MDGA2: variants seen among roughly 807,000 people sequenced by gnomAD.
MDGA2 encodes MAM domain containing glycosylphosphatidylinositol anchor 2.
A neutral mutation model predicts 117.8 loss-of-function variants in MDGA2; 40 were observed. The observed-to-expected ratio is 0.34, with a 90% CI of 0.26 to 0.44. MDGA2 has a LOEUF of 0.44. MDGA2 is among the 20% of genes least tolerant of loss of function. The pLI is 1.00. For synonymous variants in MDGA2, 452 were observed against 439.0 expected (o/e 1.03, Z -0.37); for missense variants, 1,123 against 1,250.6 (o/e 0.90, Z 1.54).
At chr14:47,490,886 G>T (rs578056069) in intron 1 of MDGA2, among the ~76,000 whole-genome samples, 2 of 152,076 alleles carry the variant, frequency 1.3e-5, no homozygotes, top group Non-Finnish European at 2.9e-5. Context: ...TAGGCCTGGC[G>T]TAGGTATCTC....
chr14:47,382,679 GCAGTCATTAAAAAGT>G (rs1405726279), intron 1 of MDGA2, among the ~76,000 whole-genome samples: 8 of 152,170 alleles, frequency 5.3e-5, no homozygotes, highest in Admixed American at 5.2e-4. Flanking sequence ...AGTTAGAATG[GCAGTCATTAAAAAGT>G]CAGGAAACAA....
chr14:46,888,416 T>G (rs1882749927), intron 10 of MDGA2, among the ~76,000 whole-genome samples: 1 of 151,970 alleles, frequency 6.6e-6, no homozygotes. Context: ...CATGTCAATT[T>G]TAAAAATCCA....
At chr14:47,419,670 T>C (rs1392800849) in intron 1 of MDGA2, among the ~76,000 whole-genome samples, 4 of 152,070 alleles carry the variant, frequency 2.6e-5, no homozygotes, top group African/African-American at 9.7e-5. Flanking sequence ...AATTAATTTG[T>C]GTTAAAATCA....
intron 1 of MDGA2, among the ~76,000 whole-genome samples, chr14:47,339,210 A>G (rs1251978356): frequency 6.6e-6 from 1 of 152,166 alleles, no homozygotes; most frequent in Non-Finnish European, 1.5e-5. Flanking sequence ...TGGCATTAGT[A>G]TTTAGAAAAT....
At chr14:47,147,928 G>C (rs1883010137) in intron 3 of MDGA2, among the ~76,000 whole-genome samples, 1 of 152,040 alleles carries the variant, frequency 6.6e-6, no homozygotes, top group African/African-American at 2.4e-5. Flanking sequence ...TCAGATTTGA[G>C]CCCTTGATCA....
chr14:47,470,306 T>C (rs1243442437), intron 1 of MDGA2, among the ~76,000 whole-genome samples: 3 of 140,822 alleles, frequency 2.1e-5, no homozygotes, highest in Admixed American at 7.3e-5. Flanking sequence ...TGATGTTCCC[T>C]TCCTTATGTC....
chr14:47,173,113 GAAAC>G (rs1398667414), intron 3 of MDGA2, among the ~76,000 whole-genome samples: 7 of 152,130 alleles, frequency 4.6e-5, no homozygotes, highest in Admixed American at 2.0e-4. Flanking sequence ...AGAATAAAAA[GAAAC>G]AAACAAAGCC....
At chr14:46,860,443 T>A (rs1848559186) in intron 14 of MDGA2, among the ~76,000 whole-genome samples, 1 of 152,050 alleles carries the variant, frequency 6.6e-6, no homozygotes, top group African/African-American at 2.4e-5. Flanking sequence ...CTTTTTTTTA[T>A]AAGGCTGAAT....
chr14:47,362,362 C>A (rs1327500827), intron 1 of MDGA2, among the ~76,000 whole-genome samples: 1 of 152,058 alleles, frequency 6.6e-6, no homozygotes, highest in Non-Finnish European at 1.5e-5. Flanking sequence ...TCTACAGTAA[C>A]ACATCAATTT....
intron 9 of MDGA2, among the ~76,000 whole-genome samples, chr14:46,933,224 GA>G (rs1399702167): frequency 6.6e-6 from 1 of 151,892 alleles, no homozygotes; most frequent in Non-Finnish European, 1.5e-5. Context: ...CATGTCATTT[GA>G]GTAGAGTTCT....
intron 3 of MDGA2, chr14:47,201,198 C>G (rs1594718456): frequency 1.7e-6 from 1 of 579,610 alleles, no homozygotes; most frequent in Non-Finnish European, 3.2e-6. Context: ...ACATTTTTCA[C>G]GTGGTTTATA....
chr14:47,616,931 C>T (rs1896957204), intron 1 of MDGA2, among the ~76,000 whole-genome samples: 2 of 152,128 alleles, frequency 1.3e-5, no homozygotes, highest in Non-Finnish European at 2.9e-5. Flanking sequence ...TTCTTACTAG[C>T]CTCATATCAA....
At position 46,854,889 on chromosome 14, in the gene MDGA2, A is replaced by G. The variant is rs925971139; in HGVS notation, c.2883+135T>C. On this transcript the variant is annotated intron_variant, in intron 15 of 16. Transcript: ENST00000399232. ...TAAAACAGCTTTTAGAACTAAAGCA[A>G]AACCTAATCATATAATTTTTGTGAT... 44 of 749,120 alleles carry G rather than the reference A, an allele frequency of 5.9e-5. No individual in the cohort carries two copies. The Admixed American group carries it at 9.4e-4, about 16-fold the overall frequency. 46.4% of individuals were successfully genotyped at this position (749,120 alleles called of 1,614,324 possible).
intron 12 of MDGA2, among the ~76,000 whole-genome samples, chr14:46,875,570 C>T (rs958298211): frequency 6.6e-6 from 1 of 151,546 alleles, no homozygotes; most frequent in African/African-American, 2.4e-5. Flanking sequence ...TGTCACAGAC[C>T]TTGTACCAAA....
At chr14:47,232,150 T>C (rs987968767) in intron 2 of MDGA2, among the ~76,000 whole-genome samples, 11 of 152,186 alleles carry the variant, frequency 7.2e-5, no homozygotes, top group Non-Finnish European at 5.9e-5. Flanking sequence ...GTTTGGGTTA[T>C]ATCATGAAGA....
At chr14:47,491,682 T>C (rs1044789159) in intron 1 of MDGA2, among the ~76,000 whole-genome samples, 3 of 152,156 alleles carry the variant, frequency 2.0e-5, no homozygotes, top group Non-Finnish European at 4.4e-5. Flanking sequence ...AAGAAATAAT[T>C]ATCTTTTTTT....
intron 2 of MDGA2, among the ~76,000 whole-genome samples, chr14:47,251,685 A>G (rs895179079): frequency 2.0e-5 from 3 of 152,170 alleles, no homozygotes; most frequent in Admixed American, 6.5e-5. Context: ...CAAATTTCCC[A>G]TAAATCATTC....
intron 1 of MDGA2, among the ~76,000 whole-genome samples, chr14:47,391,883 C>T (rs947520481): frequency 6.6e-6 from 1 of 151,940 alleles, no homozygotes; most frequent in East Asian, 1.9e-4. Flanking sequence ...TTTAGAAGCA[C>T]TAATTAAAAG....
chr14:47,651,368 G>A (rs1304586126), intron 1 of MDGA2, among the ~76,000 whole-genome samples: 22 of 152,044 alleles, frequency 1.4e-4, no homozygotes, highest in Non-Finnish European at 2.9e-5. Flanking sequence ...TCTGAGGCAC[G>A]AAAGAACTTA....
Sources: allele counts gnomAD v4.1 joint callset (sites outside exome capture counted in the v4.1 genomes callset), GRCh38; gene constraint gnomAD v4.1.1; transcripts MANE v1.5; gene names NCBI Gene and HGNC (gene_info 2026-07-23, HGNC 2026-07-21).